Variants in PCDH15 observed in about 807,000 individuals in gnomAD.
The protein encoded by PCDH15 is protocadherin related 15.
In PCDH15, 129 loss-of-function variants were observed where a neutral mutation model predicts 178.5. The ratio of observed to expected loss-of-function variants is 0.72; its 90% CI spans 0.63 to 0.84. The LOEUF is 0.84. PCDH15 is among the 40% of genes least tolerant of loss of function. The probability of loss-of-function intolerance (pLI) is 0.00; values close to 1 mark genes in which losing one functional copy is unlikely to be tolerated. For missense variants in PCDH15, 2,230 were observed against 2,099.9 expected (o/e 1.06, Z -1.21); for synonymous variants, 800 against 732.0 (o/e 1.09, Z -1.50).
In PCDH15 at chr10:54,464,220, A is replaced by C. The variant is rs528335641; in HGVS notation, c.157+63592T>G. Among the ~76,000 whole-genome samples the C allele has an allele frequency of 2.0e-5, 3 of 152,264 alleles. No individual in the cohort carries two copies. In the East Asian group the frequency reaches 5.8e-4, roughly 29 times the overall value. On this transcript the variant is annotated intron_variant, in intron 3 of 37. Transcript: ENST00000644397. ...TTGAAATTTAGTCTCTCCATTTATGAGCATTACAAATTTTAATAAAATGCA... is the reference window on the plus strand; with the variant it reads ...TTGAAATTTAGTCTCTCCATTTATGCGCATTACAAATTTTAATAAAATGCA...
intron 2 of PCDH15, among the ~76,000 whole-genome samples, chr10:55,126,998 G>C (rs1419407342): frequency 6.6e-6 from 1 of 151,574 alleles, no homozygotes; most frequent in Non-Finnish European, 1.5e-5. Context: ...TTTCCTTCAG[G>C]TGTCCCCCCA....
At position 55,129,384 on chromosome 10, in the gene PCDH15, T is replaced by A. The variant is rs557353575; in HGVS notation, c.-80+37192A>T. Among the ~76,000 whole-genome samples the A allele has an allele frequency of 1.2e-4, 18 of 152,268 alleles. No homozygotes were observed. In the South Asian group the frequency reaches 3.5e-3, roughly 30 times the overall value. Reference sequence around the variant, plus strand: ...AGAACTGTGAAAGGCAGTAAAGGGCTGAGAACTTTCTATGGCAATTTCTGT... The same window carrying A: ...AGAACTGTGAAAGGCAGTAAAGGGCAGAGAACTTTCTATGGCAATTTCTGT... On this transcript the variant is annotated intron_variant, in intron 2 of 5. Transcript: ENST00000458638.
At chr10:55,541,203 ATCAT>A (rs1189202196) in intron 2 of PCDH15, among the ~76,000 whole-genome samples, 1 of 151,966 alleles carries the variant, frequency 6.6e-6, no homozygotes, top group African/African-American at 2.4e-5. Context: ...TAAAGTTTGA[ATCAT>A]TCTTCATGGA....
intron 17 of PCDH15, among the ~76,000 whole-genome samples, chr10:54,068,525 A>G (rs147047649): frequency 1.6e-4 from 25 of 152,316 alleles, no homozygotes; most frequent in African/African-American, 5.8e-4. Flanking sequence ...CATATGAAGT[A>G]CTGAGAATGT....
intron 2 of PCDH15, among the ~76,000 whole-genome samples, chr10:55,423,664 C>T (rs1409746819): frequency 6.6e-6 from 1 of 152,008 alleles, no homozygotes; most frequent in Non-Finnish European, 1.5e-5. Flanking sequence ...AGCCTTACCA[C>T]CTACTAGACT....
intron 2 of PCDH15, among the ~76,000 whole-genome samples, chr10:54,942,964 C>T (rs1838100916): frequency 1.3e-5 from 2 of 151,960 alleles, no homozygotes; most frequent in Non-Finnish European, 2.9e-5. Context: ...AATTGACTCT[C>T]TAAGTCACTG....
rs57024579 is a variant in PCDH15, at chr10:54,189,925, ATGTGTG to A, written c.1306-4663_1306-4658del. Among the ~76,000 whole-genome samples the A allele has an allele frequency of 3.8e-3, 543 of 141,466 alleles. 6 individuals are homozygous for A. The highest frequency in any genetic ancestry group is 0.011 in the Middle Eastern group (3 of 282). 92.8% of individuals were successfully genotyped at this position (141,466 alleles called of 152,430 possible). A position where few individuals can be genotyped will look rare whatever the true frequency, so the allele number is the denominator to read the frequency against. ...TTCATATATGTATACATGCATGTGT[ATGTGTG>A]TGTGTGTGTGTGTGTGTGTGTGTGT... On this transcript the variant is annotated intron_variant, in intron 11 of 37. Transcript: ENST00000644397.
chr10:54,105,758 A>G (rs2094906823), intron 15 of PCDH15, among the ~76,000 whole-genome samples: 1 of 152,188 alleles, frequency 6.6e-6, no homozygotes, highest in African/African-American at 2.4e-5. Context: ...CCATCACAGT[A>G]TCATATAACA....
chr10:55,283,636 C>T (rs1042282578), intron 1 of PCDH15, among the ~76,000 whole-genome samples: 1 of 151,054 alleles, frequency 6.6e-6, no homozygotes, highest in African/African-American at 2.4e-5. Flanking sequence ...TATCCAGTCA[C>T]TATTAAGTAC....
At chr10:55,071,025 ATACTT>A (rs1841729516) in intron 2 of PCDH15, among the ~76,000 whole-genome samples, 1 of 152,154 alleles carries the variant, frequency 6.6e-6, no homozygotes, top group Non-Finnish European at 1.5e-5. Flanking sequence ...GAGAAATAAA[ATACTT>A]TACAGACAAG....
chr10:54,075,641 A>C (rs2094328658), intron 17 of PCDH15, among the ~76,000 whole-genome samples: 1 of 152,080 alleles, frequency 6.6e-6, no homozygotes, highest in South Asian at 2.1e-4. Flanking sequence ...CTCAGTTTTC[A>C]TTTTAGGTCA....
In PCDH15 at chr10:54,183,595, T is replaced by G. The variant is rs758482449; in HGVS notation, c.1441-2A>C. On this transcript the variant is annotated splice_acceptor_variant, in intron 12 of 37. Transcript: ENST00000644397. LOFTEE classifies it high-confidence loss of function. ...TTGTACACCATCAAATGCTGTTATC[T>G]TTGGGAGGAGAAAAATACACTTAGT... The G allele has an allele frequency of 6.2e-7, 1 of 1,613,774 alleles. No individual in the cohort carries two copies. The highest frequency in any genetic ancestry group is 8.5e-7 in the Non-Finnish European group (1 of 1,179,946).
At chr10:55,250,661 C>T (rs984609301) in intron 1 of PCDH15, among the ~76,000 whole-genome samples, 7 of 151,040 alleles carry the variant, frequency 4.6e-5, no homozygotes, top group African/African-American at 7.3e-5. Context: ...CTCACCCTCC[C>T]GAGTAGCTGG....
At chr10:55,031,842 C>CA (rs1287139711) in intron 2 of PCDH15, among the ~76,000 whole-genome samples, 1 of 152,154 alleles carries the variant, frequency 6.6e-6, no homozygotes. Context: ...TTCCAACCCC[C>CA]AGAGCTATGA....
chr10:55,143,903 C>A (rs191896530), intron 2 of PCDH15, among the ~76,000 whole-genome samples: 1 of 151,948 alleles, frequency 6.6e-6, no homozygotes, highest in Non-Finnish European at 1.5e-5. Flanking sequence ...GAAACCAATG[C>A]CCCTGGGATC....
At chr10:54,807,295 A>G (rs1301760231) in intron 3 of PCDH15, among the ~76,000 whole-genome samples, 1 of 152,226 alleles carries the variant, frequency 6.6e-6, no homozygotes, top group Non-Finnish European at 1.5e-5. Flanking sequence ...ACATAATTGT[A>G]TCAGAGAAAA....
At chr10:55,403,618 G>A (rs747039561) in intron 2 of PCDH15, among the ~76,000 whole-genome samples, 8 of 151,856 alleles carry the variant, frequency 5.3e-5, no homozygotes, top group African/African-American at 9.7e-5. Context: ...ATTTATTAAA[G>A]AGGGTGTTCT....
At chr10:55,233,784 A>G (rs2589414) in intron 1 of PCDH15, among the ~76,000 whole-genome samples, 64,987 of 151,958 alleles carry the variant, frequency 0.43, 13,997 homozygotes, top group South Asian at 0.48. Context: ...TAAAAGCAAC[A>G]TAATTATTTC....
At chr10:54,548,114 C>CA (rs1354561557) in intron 2 of PCDH15, among the ~76,000 whole-genome samples, 2 of 140,684 alleles carry the variant, frequency 1.4e-5, no homozygotes, top group Non-Finnish European at 3.1e-5. Context: ...AAAAAAAAAC[C>CA]AAAAAAACCA....
Sources: gnomAD v4.1 joint callset for allele counts (sites outside exome capture counted in the v4.1 genomes callset) on GRCh38, gnomAD v4.1.1 for gene constraint, MANE v1.5 for transcripts, NCBI Gene and HGNC (gene_info 2026-07-23, HGNC 2026-07-21) for gene names.